The following CFL2 variants were observed in gnomAD, a reference collection of about 807,000 sequenced individuals.
The protein encoded by CFL2 is cofilin-2.
A neutral mutation model predicts 19.6 loss-of-function variants in CFL2; 10 were observed. The observed-to-expected ratio is 0.51, with a 90% confidence interval of 0.31 to 0.86. The LOEUF is 0.86. CFL2 is among the 40% of genes least tolerant of loss of function. The pLI, the probability that CFL2 is intolerant of heterozygous loss-of-function variation, is 0.04. For missense variants in CFL2, 125 were observed against 192.1 expected, an observed-to-expected ratio of 0.65 and a Z score of 2.06; for synonymous variants, 63 against 66.7, an observed-to-expected ratio of 0.95 and a Z score of 0.27.
At position 34,712,439 on chromosome 14, in the gene CFL2, A is replaced by C. The variant is rs1479089773; in HGVS notation, c.*426T>G. 2.2e-6 allele frequency: 1 copy of C among 455,660 alleles called. No individual in the cohort carries two copies. The highest frequency in any genetic ancestry group is 1.6e-5 in the South Asian group (1 of 64,482). 28.2% of individuals were successfully genotyped at this position (455,660 alleles called of 1,614,324 possible). ...AGGCAGGTGAGGTGTATGAATGCTC[A>C]AGCCTCACAGAACTGCAATCAAGTG... is the stretch of plus-strand genomic sequence containing the variant. On this transcript the variant is annotated 3_prime_UTR_variant, in exon 4 of 4. Coordinates refer to ENST00000298159, the MANE Select transcript of CFL2 (RefSeq NM_138638.5).
rs895817220 is a variant in CFL2, at chr14:34,711,760, C to A, written c.*1105G>T. 4.5e-6 allele frequency: 2 copies of A among 442,524 alleles called. No individual in the cohort carries two copies. Among genetic ancestry groups the A allele is most frequent in the African/African-American group, 4.1e-5 (2 of 49,184 alleles). The allele number at this position is 442,524 out of a possible 1,614,324, so 27.4% of individuals were successfully genotyped here. A position where few individuals can be genotyped will look rare whatever the true frequency, so the allele number is the denominator to read the frequency against. On this transcript the variant is annotated 3_prime_UTR_variant, in exon 4 of 4. Transcript: ENST00000298159. ...ATAATTTCTGATCTTCATATTAACA[C>A]ATAGGAAATAAATACACTAATGTTT...
intron 1 of CFL2, 122 bp downstream of exon 1, chr14:34,714,416 G>C: frequency 7.1e-7 from 1 of 1,403,140 alleles, no homozygotes; most frequent in Non-Finnish European, 9.4e-7. Context: ...CAGCGGAGCC[G>C]CAGAGCAGAA....
At chr14:34,713,607 T>C in intron 1 of CFL2, 46 bp from the exon 2 acceptor site, 1 of 1,613,510 alleles carries the variant, frequency 6.2e-7, no homozygotes, top group Non-Finnish European at 8.5e-7. Flanking sequence ...TATTTTGGTT[T>C]TAACCAAAAT....
chr14:34,714,461 G>A, intron 1 of CFL2, 77 bp downstream of exon 1: 1 of 1,506,758 alleles, frequency 6.6e-7, no homozygotes, highest in Non-Finnish European at 8.9e-7. Context: ...AGGTTAAAAT[G>A]GCGGCCTCAC....
Position 34,710,884 on chromosome 14 carries a change from A to C in CFL2, c.*1981T>G. ...AGAATGAGGAAATAACTCAATGAAA[A>C]ATTCCATGGTGCCAAGTATCAGTTA... On this transcript the variant is annotated 3_prime_UTR_variant, in exon 4 of 4. Transcript: ENST00000298159. 1 of 454,098 alleles carries C rather than the reference A, an allele frequency of 2.2e-6. No homozygotes were observed. Among genetic ancestry groups the C allele is most frequent in the Non-Finnish European group, 4.4e-6 (1 of 226,772 alleles). 28.1% of individuals were successfully genotyped at this position (454,098 alleles called of 1,614,324 possible).
intron 1 of CFL2, chr14:34,714,332 T>TC: frequency 4.0e-6 from 3 of 742,320 alleles, no homozygotes; most frequent in Non-Finnish European, 1.9e-6. Flanking sequence ...GCCCGGGCCC[T>TC]CCCCGCCCCC....
In CFL2 at chr14:34,711,925, G is replaced by T. The variant is rs777691783; in HGVS notation, c.*940C>A. On this transcript the variant is annotated 3_prime_UTR_variant, in exon 4 of 4. Coordinates refer to ENST00000298159, the MANE Select transcript of CFL2 (RefSeq NM_138638.5). The stretch of plus-strand genomic sequence containing the variant: ...CAAAAAAAATTCTCAAATGACCAGT[G>T]CAGAGATTAGTAATAGCTGTTTTTA... 3 of 454,440 alleles carry T rather than the reference G, an allele frequency of 6.6e-6. No individual in the cohort carries two copies. Among genetic ancestry groups the T allele is most frequent in the South Asian group, 4.7e-5 (3 of 64,460 alleles). The allele number at this position is 454,440 out of a possible 1,614,324, so 28.2% of individuals were successfully genotyped here. A position where few individuals can be genotyped will look rare whatever the true frequency, so the allele number is the denominator to read the frequency against.
In CFL2 at chr14:34,710,395, T is replaced by C; in HGVS notation, c.*2470A>G. On this transcript the variant is annotated 3_prime_UTR_variant, in exon 4 of 4. Transcript: ENST00000298159. The stretch of plus-strand genomic sequence containing the variant: ...CCTCTTTGATCTGAAATACCAGTTT[T>C]TAAACTTTTAATGTTCTGAAGTATA... The C allele has an allele frequency of 3.3e-6, 1 of 299,098 alleles. No individual in the cohort carries two copies. The highest frequency in any genetic ancestry group is 2.9e-5 in the South Asian group (1 of 35,024). The allele number at this position is 299,098 out of a possible 1,614,324, so 18.5% of individuals were successfully genotyped here. A position where few individuals can be genotyped will look rare whatever the true frequency, so the allele number is the denominator to read the frequency against.
At position 34,711,842 on chromosome 14, in the gene CFL2, T is replaced by C. The variant is rs1213136209; in HGVS notation, c.*1023A>G. The C allele has an allele frequency of 6.6e-6, 3 of 453,958 alleles. No homozygotes were observed. The highest frequency in any genetic ancestry group is 3.1e-5 in the South Asian group (2 of 64,234). The allele number at this position is 453,958 out of a possible 1,614,324, so 28.1% of individuals were successfully genotyped here. On this transcript the variant is annotated 3_prime_UTR_variant, in exon 4 of 4. Transcript: ENST00000298159. ...TATATTAGTTGGCCTTAAGATAGAA[T>C]ACTTTTTAAACCAAATAGATCCAAC...
At position 34,713,507 on chromosome 14, in the gene CFL2, C is replaced by A. The variant is rs1014692310; in HGVS notation, c.58G>T (p.Val20Leu). 1.2e-5 allele frequency: 20 copies of A among 1,613,862 alleles called. No homozygotes were observed. The highest frequency in any genetic ancestry group is 1.6e-5 in the Non-Finnish European group (19 of 1,179,958). The change falls in exon 2 of 4, where the codon GTA (valine) becomes TTA (leucine). Residue 20 changes from valine to leucine, a missense_variant. Physicochemically the swap from Val to Leu is conservative, Grantham distance 32. Coordinates refer to ENST00000298159, the MANE Select transcript of CFL2 (RefSeq NM_138638.5). ...TCCTCTTGTGTAGAAGATTTCCTTA[C>A]TTTCATATCATTAAAAACTTTGATG... ...EVIKVFNDMK[V>L]RKSSTQEEIK...
At chr14:34,713,604 G>A (rs1261619875) in intron 1 of CFL2, 43 bp from the exon 2 acceptor site, 2 of 1,613,922 alleles carry the variant, frequency 1.2e-6, no homozygotes, top group Non-Finnish European at 1.7e-6. Flanking sequence ...ACGTATTTTG[G>A]TTTTAACCAA....
At chr14:34,714,313 T>G in intron 1 of CFL2, 2 of 531,484 alleles carry the variant, frequency 3.8e-6, no homozygotes, top group Non-Finnish European at 5.7e-6. Context: ...ACCCCCAACC[T>G]GCGCCGACGC....
rs1214673505 is a variant in CFL2 at position 34,711,591 on chromosome 14, C to T, written c.*1274G>A. On this transcript the variant is annotated 3_prime_UTR_variant, in exon 4 of 4. Coordinates refer to ENST00000298159, the MANE Select transcript of CFL2 (RefSeq NM_138638.5). ...TAAAGGACATTTTACAAATTATTTT[C>T]ATTACGACCAAATAAGCAATAAGAG... The T allele has an allele frequency of 2.2e-6, 1 of 453,842 alleles. No individual in the cohort carries two copies. The highest frequency in any genetic ancestry group is 2.0e-5 in the African/African-American group (1 of 50,052). 28.1% of individuals were successfully genotyped at this position (453,842 alleles called of 1,614,324 possible). A position where few individuals can be genotyped will look rare whatever the true frequency, so the allele number is the denominator to read the frequency against.
intron 1 of CFL2, 62 bp downstream of exon 1, chr14:34,714,475 CG>C: frequency 6.5e-7 from 1 of 1,529,670 alleles, no homozygotes; most frequent in Non-Finnish European, 8.8e-7. Context: ...GCCTCACTCC[CG>C]GGGCCGTGCG....
Position 34,713,324 on chromosome 14 carries a change from G to A in CFL2, c.241C>T (p.Arg81Ter). ...TATGTGGCATCGTACAAAGCATATC[G>A]GCAATCATTCAGAGGTAGCAACTTC... ...FVKLLPLNDCRYALYDATYET... is the reference protein window; with the variant it reads ...FVKLLPLNDC Residue 81 changes from arginine (R) to a stop codon, truncating the protein, a stop_gained, in exon 2 of 4, where the codon CGA becomes TGA. Coordinates refer to ENST00000298159, the MANE Select transcript of CFL2 (RefSeq NM_138638.5). LOFTEE classifies it high-confidence loss of function. The A allele has an allele frequency of 1.2e-6, 2 of 1,613,346 alleles. No individual in the cohort carries two copies. Among genetic ancestry groups the A allele is most frequent in the Non-Finnish European group, 1.7e-6 (2 of 1,179,740 alleles).
rs1333919500 is a variant in CFL2 at position 34,711,264 on chromosome 14, C to G, written c.*1601G>C. The G allele has an allele frequency of 2.2e-6, 1 of 454,534 alleles. No homozygotes were observed. Among genetic ancestry groups the G allele is most frequent in the South Asian group, 1.6e-5 (1 of 64,474 alleles). 28.2% of individuals were successfully genotyped at this position (454,534 alleles called of 1,614,324 possible). On this transcript the variant is annotated 3_prime_UTR_variant, in exon 4 of 4. Coordinates refer to ENST00000298159, the MANE Select transcript of CFL2 (RefSeq NM_138638.5). Reference sequence around the variant, plus strand: ...GGGTTAAGTTCTGAGCCACGACTGACTGCTTACTAGCATGCCTGTTTTGCA... The same window carrying G: ...GGGTTAAGTTCTGAGCCACGACTGAGTGCTTACTAGCATGCCTGTTTTGCA...
rs1437418182 is a variant in CFL2 at position 34,712,719 on chromosome 14, A to T, written c.*146T>A. On this transcript the variant is annotated 3_prime_UTR_variant, in exon 4 of 4. Coordinates refer to ENST00000298159, the MANE Select transcript of CFL2 (RefSeq NM_138638.5). ...GCAATCACTGATAGGCTGCTTAAATAAATGATATTTCCTTCATTCATTGTG... is the reference window on the plus strand; with the variant it reads ...GCAATCACTGATAGGCTGCTTAAATTAATGATATTTCCTTCATTCATTGTG... 1 of 710,152 alleles carries T rather than the reference A, an allele frequency of 1.4e-6. No individual in the cohort carries two copies. Among genetic ancestry groups the T allele is most frequent in the Non-Finnish European group, 2.6e-6 (1 of 384,156 alleles). 44.0% of individuals were successfully genotyped at this position (710,152 alleles called of 1,614,324 possible).
rs1354259573 is a variant in CFL2, at chr14:34,711,475, T to C, written c.*1390A>G. 2.2e-6 allele frequency: 1 copy of C among 454,370 alleles called. No individual in the cohort carries two copies. The highest frequency in any genetic ancestry group is 2.4e-5 in the Admixed American group (1 of 42,546). The allele number at this position is 454,370 out of a possible 1,614,324, so 28.1% of individuals were successfully genotyped here. A position where few individuals can be genotyped will look rare whatever the true frequency, so the allele number is the denominator to read the frequency against. On this transcript the variant is annotated 3_prime_UTR_variant, in exon 4 of 4. Coordinates refer to ENST00000298159, the MANE Select transcript of CFL2 (RefSeq NM_138638.5). Reference sequence around the variant, plus strand: ...CTACTAATGTTTAAGACTGCTATTATCAATTCCTATTCCAATTCAATTTGC... The same window carrying C: ...CTACTAATGTTTAAGACTGCTATTACCAATTCCTATTCCAATTCAATTTGC...
In CFL2 at chr14:34,711,707, G is replaced by C. The variant is rs575448674; in HGVS notation, c.*1158C>G. 2.5e-5 allele frequency: 11 copies of C among 445,250 alleles called. No homozygotes were observed. Among genetic ancestry groups the C allele is most frequent in the Admixed American group, 7.5e-5 (3 of 40,130 alleles). 27.6% of individuals were successfully genotyped at this position (445,250 alleles called of 1,614,324 possible). A position where few individuals can be genotyped will look rare whatever the true frequency, so the allele number is the denominator to read the frequency against. On this transcript the variant is annotated 3_prime_UTR_variant, in exon 4 of 4. Transcript: ENST00000298159. ...TTATCCAGAGAACAAATCAGATATT[G>C]AAAAGTATTTATGCCAAAGTGCAAA...
Sources: gnomAD v4.1 joint callset for allele counts on GRCh38, gnomAD v4.1.1 for gene constraint, MANE v1.5 for transcripts, NCBI Gene and HGNC (gene_info 2026-07-23, HGNC 2026-07-21) for gene names.